Variants in NELL1 observed in about 807,000 individuals in gnomAD.
NELL1 encodes the protein protein kinase C-binding protein NELL1.
NELL1 carries 76 observed loss-of-function variants against 107.4 expected under a neutral mutation model. The observed-to-expected ratio is 0.71, with a 90% CI of 0.59 to 0.86. NELL1 has a LOEUF of 0.86. Ranked by LOEUF, NELL1 falls within the 40% of genes least tolerant of loss-of-function variation. The pLI, the probability that NELL1 is intolerant of heterozygous loss-of-function variation, is 0.00. For missense variants in NELL1, 1,024 were observed against 1,005.5 expected, an observed-to-expected ratio of 1.02 and a Z score of -0.25; for synonymous variants, 353 against 341.2, an observed-to-expected ratio of 1.03 and a Z score of -0.38.
At chr11:20,781,190 A>C (rs1856843127) in intron 2 of NELL1, among the ~76,000 whole-genome samples, 1 of 152,174 alleles carries the variant, frequency 6.6e-6, no homozygotes, top group African/African-American at 2.4e-5. Context: ...AGCCCACTTA[A>C]CTTGTTTTTA....
At chr11:21,426,441 G>C (rs1191738807) in intron 15 of NELL1, among the ~76,000 whole-genome samples, 1 of 152,118 alleles carries the variant, frequency 6.6e-6, no homozygotes, top group Admixed American at 6.5e-5. Flanking sequence ...ATAAATCACA[G>C]GTTAATTTGA....
intron 14 of NELL1, among the ~76,000 whole-genome samples, chr11:21,292,812 C>G (rs929460950): frequency 6.6e-6 from 1 of 152,106 alleles, no homozygotes; most frequent in Non-Finnish European, 1.5e-5. Context: ...TTTTGACAAA[C>G]CTGACATAAG....
intron 13 of NELL1, among the ~76,000 whole-genome samples, chr11:21,152,129 A>G (rs1487234985): frequency 6.6e-6 from 1 of 152,210 alleles, no homozygotes; most frequent in Non-Finnish European, 1.5e-5. Flanking sequence ...CTGCTATACC[A>G]TGTCACAGTT....
chr11:21,252,534 ACT>A (rs1858666540), intron 14 of NELL1, among the ~76,000 whole-genome samples: 1 of 152,124 alleles, frequency 6.6e-6, no homozygotes, highest in African/African-American at 2.4e-5. Flanking sequence ...GGCATGTTAT[ACT>A]TTTTAGGATA....
At chr11:20,888,462 G>A (rs1002722747) in intron 5 of NELL1, among the ~76,000 whole-genome samples, 1 of 150,470 alleles carries the variant, frequency 6.6e-6, no homozygotes, top group South Asian at 2.1e-4. Context: ...AATTAAGGAA[G>A]ATAATAAAGA....
At chr11:21,220,607 T>A (rs1487288507) in intron 13 of NELL1, among the ~76,000 whole-genome samples, 1 of 152,138 alleles carries the variant, frequency 6.6e-6, no homozygotes, top group Non-Finnish European at 1.5e-5. Flanking sequence ...TTAAATTTAT[T>A]CCTAGGTGTT....
intron 15 of NELL1, among the ~76,000 whole-genome samples, chr11:21,404,458 T>C (rs1852186418): frequency 6.6e-6 from 1 of 151,926 alleles, no homozygotes. Context: ...ATTTACCTTC[T>C]CCAGTTTTGC....
At chr11:21,150,305 T>A (rs1490140271) in intron 13 of NELL1, among the ~76,000 whole-genome samples, 1 of 152,200 alleles carries the variant, frequency 6.6e-6, no homozygotes, top group Non-Finnish European at 1.5e-5. Flanking sequence ...CTCAAAGTGC[T>A]GCTAAGAAAA....
chr11:21,341,906 C>T (rs10430908), intron 14 of NELL1, among the ~76,000 whole-genome samples: 73,705 of 151,968 alleles, frequency 0.49, 18,265 homozygotes, highest in African/African-American at 0.61. Flanking sequence ...TTCACGTTTT[C>T]TAAACATTTC....
chr11:20,904,350 T>C (rs984026073), intron 5 of NELL1, among the ~76,000 whole-genome samples: 3 of 152,178 alleles, frequency 2.0e-5, no homozygotes, highest in Non-Finnish European at 2.9e-5. Context: ...ATTATCCTGA[T>C]ATGATCATTA....
chr11:21,039,259 C>G (rs1370076613), intron 12 of NELL1, among the ~76,000 whole-genome samples: 1 of 151,982 alleles, frequency 6.6e-6, no homozygotes, highest in African/African-American at 2.4e-5. Context: ...AATCTCGGCT[C>G]ACTGCAACCT....
intron 15 of NELL1, among the ~76,000 whole-genome samples, chr11:21,450,674 A>G (rs1347587804): frequency 6.6e-6 from 1 of 152,182 alleles, no homozygotes; most frequent in East Asian, 1.9e-4. Flanking sequence ...TGAAATGTAT[A>G]TGATGAATTT....
chr11:20,821,826 C>T (rs925493985), intron 3 of NELL1, among the ~76,000 whole-genome samples: 3 of 152,222 alleles, frequency 2.0e-5, no homozygotes, highest in African/African-American at 7.2e-5. Context: ...ACCAGGGCTT[C>T]TCTCTTGTTC....
chr11:21,004,897 C>A (rs1852297684), intron 12 of NELL1, among the ~76,000 whole-genome samples: 1 of 152,094 alleles, frequency 6.6e-6, no homozygotes. Flanking sequence ...CCATAGCTAC[C>A]TTTGTGGAAC....
In NELL1 at chr11:20,677,690, G is replaced by A. The variant is rs981464887; in HGVS notation, c.56-242G>A. Reference sequence around the variant, plus strand: ...TTCTGAACTATATTTAACCCCAGGAGTTTTGGATAAGAAATTATCAATCCA... The same window carrying A: ...TTCTGAACTATATTTAACCCCAGGAATTTTGGATAAGAAATTATCAATCCA... On this transcript the variant is annotated intron_variant, in intron 1 of 19. Coordinates refer to ENST00000357134, the MANE Select transcript of NELL1 (RefSeq NM_006157.5). 3.9e-5 allele frequency among the ~76,000 whole-genome samples: 6 copies of A among 152,048 alleles called. No homozygotes were observed. The South Asian group carries it at 1.2e-3, about 32-fold the overall frequency.
intron 12 of NELL1, among the ~76,000 whole-genome samples, chr11:20,983,037 C>G (rs1185121599): frequency 1.3e-5 from 2 of 152,096 alleles, no homozygotes; most frequent in Non-Finnish European, 2.9e-5. Flanking sequence ...TGGAAAGAGA[C>G]CTTCAGATCA....
intron 15 of NELL1, among the ~76,000 whole-genome samples, chr11:21,506,923 T>C (rs934249493): frequency 2.6e-5 from 4 of 152,164 alleles, no homozygotes; most frequent in African/African-American, 9.7e-5. Flanking sequence ...AAGGAAAAAG[T>C]AGAAAAATAA....
At chr11:21,296,889 G>C (rs937746311) in intron 14 of NELL1, among the ~76,000 whole-genome samples, 1 of 151,306 alleles carries the variant, frequency 6.6e-6, no homozygotes, top group Non-Finnish European at 1.5e-5. Context: ...TATAGTCCAT[G>C]AAATGATATA....
intron 2 of NELL1, among the ~76,000 whole-genome samples, chr11:20,767,666 C>T (rs2133964668): frequency 6.6e-6 from 1 of 152,324 alleles, no homozygotes; most frequent in South Asian, 2.1e-4. Flanking sequence ...GACACCCTGT[C>T]CTTGAGGGGC....
Sources: allele counts gnomAD v4.1 joint callset (sites outside exome capture counted in the v4.1 genomes callset), GRCh38; gene constraint gnomAD v4.1.1; transcripts MANE v1.5; gene names NCBI Gene and HGNC (gene_info 2026-07-23, HGNC 2026-07-21).